The following SDK1 variants were observed in gnomAD, a reference collection of about 807,000 sequenced individuals.
The protein encoded by SDK1 is protein sidekick-1.
SDK1 carries 157 observed loss-of-function variants against 245.5 expected under a neutral mutation model. The observed-to-expected ratio is 0.64, with a 90% CI of 0.56 to 0.73. SDK1 has a LOEUF of 0.73. Ranked by LOEUF, SDK1 falls within the 30% of genes least tolerant of loss-of-function variation. The pLI, the probability that SDK1 is intolerant of heterozygous loss-of-function variation, is 0.00. For synonymous variants in SDK1, 1,647 were observed against 1,278.5 expected, an observed-to-expected ratio of 1.29 and a Z score of -6.15; for missense variants, 3,583 against 3,002.3, an observed-to-expected ratio of 1.19 and a Z score of -4.52.
At chr7:3,965,114 G>T (rs12701317) in intron 9 of SDK1, among the ~76,000 whole-genome samples, 145 of 152,298 alleles carry the variant, frequency 9.5e-4, no homozygotes, top group African/African-American at 3.2e-3. Flanking sequence ...GGCCTACTCA[G>T]CATTGCTGTA....
chr7:3,586,117 C>G (rs932218206), intron 1 of SDK1, among the ~76,000 whole-genome samples: 10 of 151,574 alleles, frequency 6.6e-5, no homozygotes, highest in African/African-American at 2.4e-4. Context: ...TGTAGAGTCG[C>G]TGGGGGAGAG....
At chr7:4,099,505 C>G (rs1318062051) in intron 22 of SDK1, among the ~76,000 whole-genome samples, 1 of 104,974 alleles carries the variant, frequency 9.5e-6, no homozygotes, top group Non-Finnish European at 1.9e-5. Context: ...TTCCTGCTGT[C>G]AGATGCCCAG....
chr7:3,855,880 CT>C (rs1780533357), intron 5 of SDK1, among the ~76,000 whole-genome samples: 2 of 152,274 alleles, frequency 1.3e-5, no homozygotes, highest in African/African-American at 4.8e-5. Flanking sequence ...GACTATAAGA[CT>C]TTTTCAGACA....
chr7:3,580,230 C>A lies in SDK1; in HGVS notation c.299-38850C>A, dbSNP rs1047350030. Among the ~76,000 whole-genome samples the A allele has an allele frequency of 3.3e-5, 5 of 152,286 alleles. No homozygotes were observed. The East Asian group carries it at 9.7e-4, about 29-fold the overall frequency. ...TGGCCATAATACCCAAAGCAGTATA[C>A]AGATTCAATGCTATTCCTATCAAAC... On this transcript the variant is annotated intron_variant, in intron 1 of 44. Coordinates refer to ENST00000404826, the MANE Select transcript of SDK1 (RefSeq NM_152744.4).
At chr7:3,841,541 C>T (rs1298893702) in intron 5 of SDK1, among the ~76,000 whole-genome samples, 1 of 151,888 alleles carries the variant, frequency 6.6e-6, no homozygotes, top group Non-Finnish European at 1.5e-5. Flanking sequence ...CACCTTAGGT[C>T]AAGTATTATC....
chr7:3,413,523 C>G (rs1029330612), intron 1 of SDK1, among the ~76,000 whole-genome samples: 1 of 151,972 alleles, frequency 6.6e-6, no homozygotes, highest in African/African-American at 2.4e-5. Flanking sequence ...AGTGAAACTC[C>G]GTCTCTACTA....
chr7:3,777,358 A>G (rs1780597901), intron 4 of SDK1, among the ~76,000 whole-genome samples: 1 of 152,224 alleles, frequency 6.6e-6, no homozygotes, highest in Non-Finnish European at 1.5e-5. Context: ...TGTTTGAGGA[A>G]GACTTTATGG....
chr7:3,744,083 T>G (rs1779549413), intron 4 of SDK1, among the ~76,000 whole-genome samples: 1 of 152,170 alleles, frequency 6.6e-6, no homozygotes, highest in South Asian at 2.1e-4. Flanking sequence ...AATAGCCTCC[T>G]AGTTTGTTCC....
chr7:3,425,118 T>C (rs1268250456), intron 1 of SDK1, among the ~76,000 whole-genome samples: 1 of 23,028 alleles, frequency 4.3e-5, no homozygotes, highest in Non-Finnish European at 8.4e-5. Flanking sequence ...TTGCCAGCTT[T>C]TTTTTTTTTT....
At chr7:3,539,165 C>T (rs1229241454) in intron 1 of SDK1, among the ~76,000 whole-genome samples, 3 of 152,136 alleles carry the variant, frequency 2.0e-5, no homozygotes, top group African/African-American at 7.2e-5. Context: ...ATTTTCTATC[C>T]CCAAGTTAGG....
chr7:4,171,719 A>C (rs568608487), intron 32 of SDK1, among the ~76,000 whole-genome samples: 36 of 152,326 alleles, frequency 2.4e-4, no homozygotes, highest in African/African-American at 8.4e-4. Context: ...CTCCCAGATA[A>C]TAGCCCAACT....
chr7:4,078,785 A>G (rs1489799923), intron 21 of SDK1, among the ~76,000 whole-genome samples: 1 of 152,174 alleles, frequency 6.6e-6, no homozygotes, highest in Non-Finnish European at 1.5e-5. Context: ...GGCTTGAGCC[A>G]CGGGCACCCT....
At chr7:3,654,149 C>G (rs942785702) in intron 4 of SDK1, among the ~76,000 whole-genome samples, 2 of 152,100 alleles carry the variant, frequency 1.3e-5, no homozygotes, top group African/African-American at 4.8e-5. Context: ...GCCCCTGTGC[C>G]CCACCGTGCT....
intron 1 of SDK1, among the ~76,000 whole-genome samples, chr7:3,508,404 T>C: frequency 6.6e-6 from 1 of 151,010 alleles, no homozygotes; most frequent in South Asian, 2.1e-4. Context: ...CTTGGCTCAC[T>C]GTAACCTCTA....
intron 8 of SDK1, among the ~76,000 whole-genome samples, chr7:3,960,034 T>C (rs981854228): frequency 6.6e-6 from 1 of 152,214 alleles, no homozygotes; most frequent in Non-Finnish European, 1.5e-5. Context: ...CTCTTTTGTT[T>C]ATACCCATCC....
At chr7:3,727,320 C>G (rs900617586) in intron 4 of SDK1, among the ~76,000 whole-genome samples, 2 of 152,030 alleles carry the variant, frequency 1.3e-5, no homozygotes, top group African/African-American at 4.8e-5. Flanking sequence ...AATCAGAACC[C>G]CTTAATAGGA....
At chr7:3,992,951 A>C (rs991630294) in intron 14 of SDK1, among the ~76,000 whole-genome samples, 1 of 152,164 alleles carries the variant, frequency 6.6e-6, no homozygotes, top group African/African-American at 2.4e-5. Flanking sequence ...TTTTGCATCT[A>C]TTTATAAATT....
At chr7:3,490,850 G>A (rs1158432872) in intron 1 of SDK1, among the ~76,000 whole-genome samples, 1 of 152,138 alleles carries the variant, frequency 6.6e-6, no homozygotes, top group Non-Finnish European at 1.5e-5. Context: ...CTTTTCTTGG[G>A]TGTTCTTGGA....
intron 35 of SDK1, among the ~76,000 whole-genome samples, chr7:4,194,087 A>C (rs893357550): frequency 6.6e-6 from 1 of 152,134 alleles, no homozygotes; most frequent in African/African-American, 2.4e-5. Flanking sequence ...GGAAACCGCA[A>C]AACCAACAGA....
Sources: gnomAD v4.1 joint callset for allele counts (sites outside exome capture counted in the v4.1 genomes callset) on GRCh38, gnomAD v4.1.1 for gene constraint, MANE v1.5 for transcripts, NCBI Gene and HGNC (gene_info 2026-07-23, HGNC 2026-07-21) for gene names.